Variants in ADGRB3 observed in about 807,000 individuals in gnomAD.
ADGRB3 encodes the protein adhesion G protein-coupled receptor B3, also known as brain-specific angiogenesis inhibitor 3.
ADGRB3 carries 37 observed loss-of-function variants against 193.4 expected under a neutral mutation model. That is an observed-to-expected ratio of 0.19 (90% CI 0.15 to 0.25). ADGRB3 has a LOEUF of 0.25. Ranked by LOEUF, ADGRB3 falls within the 10% of genes least tolerant of loss-of-function variation. The probability of loss-of-function intolerance (pLI) is 1.00; values close to 1 mark genes in which losing one functional copy is unlikely to be tolerated. For synonymous variants in ADGRB3, 690 were observed against 644.2 expected, an observed-to-expected ratio of 1.07 and a Z score of -1.08; for missense variants, 1,637 against 1,852.9, an observed-to-expected ratio of 0.88 and a Z score of 2.14.
At chr6:69,313,002 G>A (rs1051117502) in intron 20 of ADGRB3, among the ~76,000 whole-genome samples, 6 of 151,800 alleles carry the variant, frequency 4.0e-5, no homozygotes, top group African/African-American at 1.4e-4. Context: ...CTACATTGTA[G>A]GTATTTTTCA....
chr6:69,137,727 G>T (rs1407570245), intron 17 of ADGRB3, among the ~76,000 whole-genome samples: 2 of 152,148 alleles, frequency 1.3e-5, no homozygotes, highest in African/African-American at 4.8e-5. Context: ...AACCCGGGAA[G>T]CTGAGGATGC....
At chr6:69,125,588 G>A (rs150208633) in intron 17 of ADGRB3, among the ~76,000 whole-genome samples, 338 of 152,194 alleles carry the variant, frequency 2.2e-3, no homozygotes, top group African/African-American at 7.9e-3. Flanking sequence ...TGAATCTGCT[G>A]TCACCTTGAT....
chr6:68,733,256 T>C (rs1306923826), intron 3 of ADGRB3, among the ~76,000 whole-genome samples: 1 of 148,158 alleles, frequency 6.7e-6, no homozygotes, highest in Non-Finnish European at 1.5e-5. Context: ...TATATATATA[T>C]AGGAATATGT....
At chr6:69,044,579 C>T (rs191270087) in intron 13 of ADGRB3, among the ~76,000 whole-genome samples, 2 of 152,258 alleles carry the variant, frequency 1.3e-5, no homozygotes, top group East Asian at 3.9e-4. Flanking sequence ...GAACCTGAAT[C>T]GTTTGAAAGT....
intron 3 of ADGRB3, among the ~76,000 whole-genome samples, chr6:68,747,572 G>T (rs189396370): frequency 6.6e-6 from 1 of 152,196 alleles, no homozygotes; most frequent in East Asian, 1.9e-4. Flanking sequence ...CATATACTTA[G>T]CATAATTCAT....
intron 20 of ADGRB3, among the ~76,000 whole-genome samples, chr6:69,302,563 G>A (rs150284297): frequency 1.4e-4 from 21 of 151,810 alleles, no homozygotes; most frequent in Non-Finnish European, 2.1e-4. Flanking sequence ...CAAACATAAC[G>A]TCTGTAATAA....
At chr6:68,661,548 T>TATGTGTATAC (rs1768657007) in intron 3 of ADGRB3, among the ~76,000 whole-genome samples, 2 of 26,782 alleles carry the variant, frequency 7.5e-5, no homozygotes, top group Admixed American at 4.1e-4. Context: ...CATATATATA[T>TATGTGTATAC]ATATATATAT....
chr6:68,979,303 T>C (rs1183795330), intron 10 of ADGRB3, among the ~76,000 whole-genome samples: 2 of 151,412 alleles, frequency 1.3e-5, no homozygotes, highest in Non-Finnish European at 3.0e-5. Flanking sequence ...GTTAACCACA[T>C]GAAAGGAACA....
chr6:69,146,666 A>G (rs1324445350), intron 17 of ADGRB3, among the ~76,000 whole-genome samples: 2 of 152,144 alleles, frequency 1.3e-5, no homozygotes, highest in African/African-American at 4.8e-5. Context: ...TGCCTCCCAC[A>G]CTGCAGCCAG....
At chr6:69,025,699 A>C (rs911360524) in intron 13 of ADGRB3, among the ~76,000 whole-genome samples, 3 of 152,176 alleles carry the variant, frequency 2.0e-5, no homozygotes, top group Non-Finnish European at 4.4e-5. Flanking sequence ...TACAACAAAA[A>C]ATATCTGTTT....
At chr6:68,908,281 T>C (rs1582304962) in intron 3 of ADGRB3, among the ~76,000 whole-genome samples, 1 of 152,188 alleles carries the variant, frequency 6.6e-6, no homozygotes, top group South Asian at 2.1e-4. Context: ...TCTTTTATCT[T>C]TTTGGAAATG....
At chr6:69,373,623 G>A (rs1033337631) in intron 30 of ADGRB3, among the ~76,000 whole-genome samples, 1 of 151,990 alleles carries the variant, frequency 6.6e-6, no homozygotes, top group East Asian at 1.9e-4. Flanking sequence ...AATCTGAATA[G>A]ACAATATTCA....
chr6:68,646,603 TTTTG>T (rs777004102), intron 3 of ADGRB3, among the ~76,000 whole-genome samples: 72 of 152,258 alleles, frequency 4.7e-4, no homozygotes, highest in Middle Eastern at 3.4e-3. Context: ...TTATTTGTTG[TTTTG>T]TTTGTTTGTT....
intron 3 of ADGRB3, among the ~76,000 whole-genome samples, chr6:68,801,670 CA>C (rs1413421807): frequency 6.6e-6 from 1 of 151,998 alleles, no homozygotes; most frequent in Non-Finnish European, 1.5e-5. Flanking sequence ...GCCTGGGCAA[CA>C]AGAGCGAAAC....
chr6:68,825,657 G>T (rs1767829445), intron 3 of ADGRB3, among the ~76,000 whole-genome samples: 1 of 151,996 alleles, frequency 6.6e-6, no homozygotes, highest in African/African-American at 2.4e-5. Flanking sequence ...GAATCATGGG[G>T]GTGGTTTCCC....
intron 15 of ADGRB3, among the ~76,000 whole-genome samples, chr6:69,052,829 T>A (rs1771438594): frequency 6.6e-6 from 1 of 152,230 alleles, no homozygotes; most frequent in Non-Finnish European, 1.5e-5. Context: ...ATGAAGTCCA[T>A]ACTAAATATG....
At chr6:69,122,309 C>T (rs1216879614) in intron 17 of ADGRB3, among the ~76,000 whole-genome samples, 4 of 151,352 alleles carry the variant, frequency 2.6e-5, no homozygotes, top group East Asian at 2.0e-4. Flanking sequence ...ACCAGTCAGG[C>T]GTGGTGGCAC....
chr6:69,252,313 C>A (rs1766640876), intron 20 of ADGRB3, among the ~76,000 whole-genome samples: 1 of 151,956 alleles, frequency 6.6e-6, no homozygotes, highest in African/African-American at 2.4e-5. Context: ...AATTGATAGA[C>A]ATATGAATTG....
intron 3 of ADGRB3, among the ~76,000 whole-genome samples, chr6:68,809,076 A>T (rs1205736205): frequency 9.9e-5 from 1 of 10,062 alleles, no homozygotes; most frequent in Non-Finnish European, 2.8e-4. Flanking sequence ...GTGCTGGTTT[A>T]AAAAAAATTT....
Sources: gnomAD v4.1 joint callset for allele counts (sites outside exome capture counted in the v4.1 genomes callset) on GRCh38, gnomAD v4.1.1 for gene constraint, MANE v1.5 for transcripts, NCBI Gene and HGNC (gene_info 2026-07-23, HGNC 2026-07-21) for gene names.